Variants in OGFOD3 observed in about 807,000 individuals in gnomAD.
The protein encoded by OGFOD3 is 2-oxoglutarate and iron dependent oxygenase domain containing 3, also known as 2-oxoglutarate and iron-dependent oxygenase domain-containing protein 3.
A neutral mutation model predicts 39.8 loss-of-function variants in OGFOD3; 35 were observed. That is an observed-to-expected ratio of 0.88 (90% CI 0.67 to 1.17). OGFOD3 has a LOEUF of 1.17. Ranked by LOEUF, OGFOD3 falls within the 50% of genes most tolerant of loss-of-function variation. The pLI is 0.00. For synonymous variants in OGFOD3, 200 were observed against 192.0 expected (o/e 1.04, Z -0.34); for missense variants, 438 against 454.5 (o/e 0.96, Z 0.33).
At chr17:82,418,212 A>G (rs908841838) in intron 1 of OGFOD3, 200 bp downstream of exon 1, 1 of 407,426 alleles carries the variant, frequency 2.5e-6, no homozygotes, top group South Asian at 4.6e-5. Context: ...GCCGTCGGCT[A>G]CCGCGGCTCC....
At chr17:82,395,701 G>A (rs548394266) in intron 8 of OGFOD3, among the ~76,000 whole-genome samples, 4 of 152,304 alleles carry the variant, frequency 2.6e-5, no homozygotes, top group African/African-American at 4.8e-5. Flanking sequence ...GGCACCTGTA[G>A]TCCCAGCTAC....
At chr17:82,411,796 A>G in intron 2 of OGFOD3, 2 of 487,526 alleles carry the variant, frequency 4.1e-6, no homozygotes, top group South Asian at 4.7e-5. Flanking sequence ...AGTCACAGAA[A>G]CCCCAGACAC....
rs2052853585 is a variant in OGFOD3, at chr17:82,406,218, G to A, written c.488+200C>T. Among the ~76,000 whole-genome samples, 1 of 152,182 alleles carries A rather than the reference G, an allele frequency of 6.6e-6. No individual in the cohort carries two copies. The highest frequency in any genetic ancestry group is 6.5e-5 in the Admixed American group (1 of 15,282). On this transcript the variant is annotated intron_variant, in intron 5 of 8. Coordinates refer to ENST00000313056, the MANE Select transcript of OGFOD3 (RefSeq NM_024648.3). This position sits in a 1 kb window ranked among gnomAD's most constrained non-coding sequence, Gnocchi z 5.2. ...AACAAGCCCCCTGCCCACAGGCTGT[G>A]GAGAGTCCACACCTCCCAGCTCTTG...
rs74001678 is a variant in OGFOD3, at chr17:82,412,145, G to A, written c.305-615C>T. 3.2e-3 allele frequency among the ~76,000 whole-genome samples: 491 copies of A among 152,016 alleles called. 3 individuals are homozygous for A. The highest frequency in any genetic ancestry group is 0.011 in the African/African-American group (455 of 41,496). On this transcript the variant is annotated intron_variant, in intron 2 of 8. Coordinates refer to ENST00000313056, the MANE Select transcript of OGFOD3 (RefSeq NM_024648.3). The stretch of plus-strand genomic sequence containing the variant: ...TCCTGAGACCACCAGAGTGGAGCTT[G>A]TGGGTCTAGTCCCAGTCCTTCCCCA...
chr17:82,414,862 C>T (rs1326743506), intron 2 of OGFOD3, among the ~76,000 whole-genome samples: 2 of 152,192 alleles, frequency 1.3e-5, no homozygotes, highest in Non-Finnish European at 2.9e-5. Flanking sequence ...AGGGGGTGTG[C>T]GGTGGCCGGC....
At chr17:82,394,420 C>A in intron 8 of OGFOD3, 1 of 1,612,496 alleles carries the variant, frequency 6.2e-7, no homozygotes, top group East Asian at 2.2e-5. Context: ...TGTCTCTCCC[C>A]TCTCGGGCGG....
At position 82,395,534 on chromosome 17, in the gene OGFOD3, C is replaced by T. The variant is rs181734581; in HGVS notation, c.823+2662G>A. On this transcript the variant is annotated intron_variant, in intron 8 of 8. Coordinates refer to ENST00000313056, the MANE Select transcript of OGFOD3 (RefSeq NM_024648.3). ...CATTTGCCACTCATGGTAAGAACTG[C>T]GACACGGCCGGGCGTGGTGGCTCAC... 4.6e-5 allele frequency among the ~76,000 whole-genome samples: 7 copies of T among 152,200 alleles called. No homozygotes were observed. The East Asian group carries it at 5.8e-4, about 13-fold the overall frequency.
rs1340131194 is a variant in OGFOD3 at position 82,389,215 on chromosome 17, C to T, written c.*3183G>A. 2.0e-5 allele frequency: 3 copies of T among 152,180 alleles called. No homozygotes were observed. Among genetic ancestry groups the T allele is most frequent in the Admixed American group, 6.5e-5 (1 of 15,290 alleles). The allele number at this position is 152,180 out of a possible 1,614,324, so 9.4% of individuals were successfully genotyped here. ...TCCCTTCCCGACAGCAGGACTCGCCCTCCTAGATTCTTTATTTTGAAAGGA... is the reference window on the plus strand; with the variant it reads ...TCCCTTCCCGACAGCAGGACTCGCCTTCCTAGATTCTTTATTTTGAAAGGA... On this transcript the variant is annotated 3_prime_UTR_variant, in exon 9 of 9. Coordinates refer to ENST00000313056, the MANE Select transcript of OGFOD3 (RefSeq NM_024648.3). The surrounding 1 kb of genome is among the most constrained non-coding windows in gnomAD (Gnocchi z 4.6).
intron 8 of OGFOD3, chr17:82,394,275 C>G: frequency 1.4e-6 from 2 of 1,419,812 alleles, no homozygotes; most frequent in African/African-American, 1.4e-5. Context: ...CAGGCGTGAG[C>G]CACCACGCCC....
At position 82,404,185 on chromosome 17, in the gene OGFOD3, G is replaced by T. The variant is rs115718503; in HGVS notation, c.546-95C>A. On this transcript the variant is annotated intron_variant, in intron 6 of 8. Coordinates refer to ENST00000313056, the MANE Select transcript of OGFOD3 (RefSeq NM_024648.3). This position sits in a 1 kb window ranked among gnomAD's most constrained non-coding sequence, Gnocchi z 4.5. ...GGTGGCAGGAAAGGAACCAGCCTTC[G>T]TACGGCTCCGGGCCCGCGGGGCGGG... is the stretch of plus-strand genomic sequence containing the variant. 1 of 1,382,942 alleles carries T rather than the reference G, an allele frequency of 7.2e-7. No individual in the cohort carries two copies. The highest frequency in any genetic ancestry group is 9.6e-7 in the Non-Finnish European group (1 of 1,043,060). 85.7% of individuals were successfully genotyped at this position (1,382,942 alleles called of 1,614,324 possible). A position where few individuals can be genotyped will look rare whatever the true frequency, so the allele number is the denominator to read the frequency against.
chr17:82,403,497 T>C (rs779304962), intron 7 of OGFOD3, among the ~76,000 whole-genome samples: 5 of 152,038 alleles, frequency 3.3e-5, no homozygotes, highest in Non-Finnish European at 7.4e-5. Flanking sequence ...CGAGGCCTGG[T>C]GGGGCATGCC....
At chr17:82,413,838 T>C (rs1388229583) in intron 2 of OGFOD3, among the ~76,000 whole-genome samples, 1 of 144,666 alleles carries the variant, frequency 6.9e-6, no homozygotes, top group African/African-American at 2.6e-5. Flanking sequence ...ATCATGCCAC[T>C]GCACTCCAGC....
chr17:82,406,910 G>A lies in OGFOD3; in HGVS notation c.424-428C>T, dbSNP rs1027523441. ...AGCCACTGCACCCAGCCTCAACCCA[G>A]GACTTTCTTAAAATCCTCCCAGACC... is the stretch of plus-strand genomic sequence containing the variant. On this transcript the variant is annotated intron_variant, in intron 4 of 8. Transcript: ENST00000313056. This position sits in a 1 kb window ranked among gnomAD's most constrained non-coding sequence, Gnocchi z 5.2. Among the ~76,000 whole-genome samples the A allele has an allele frequency of 1.3e-5, 2 of 152,076 alleles. No homozygotes were observed. Among genetic ancestry groups the A allele is most frequent in the African/African-American group, 4.8e-5 (2 of 41,422 alleles).
intron 7 of OGFOD3, among the ~76,000 whole-genome samples, chr17:82,403,235 T>G (rs1187580197): frequency 6.6e-6 from 1 of 152,116 alleles, no homozygotes; most frequent in Non-Finnish European, 1.5e-5. Context: ...GTGGGCCGGG[T>G]TCTCCACTTC....
intron 8 of OGFOD3, among the ~76,000 whole-genome samples, chr17:82,395,177 G>A (rs2052652420): frequency 6.6e-6 from 1 of 152,098 alleles, no homozygotes; most frequent in African/African-American, 2.4e-5. Flanking sequence ...GACTATAGGT[G>A]CACGCCACCA....
chr17:82,408,902 G>A (rs1029244631), intron 4 of OGFOD3, among the ~76,000 whole-genome samples: 4 of 152,288 alleles, frequency 2.6e-5, no homozygotes, highest in South Asian at 2.1e-4. Flanking sequence ...CACATGGGAC[G>A]ACAGCCCCAC....
chr17:82,398,296 G>A lies in OGFOD3; in HGVS notation c.723C>T (p.Tyr241=), dbSNP rs1417482405. 2 of 1,614,204 alleles carry A rather than the reference G, an allele frequency of 1.2e-6. No homozygotes were observed. The highest frequency in any genetic ancestry group is 8.5e-7 in the Non-Finnish European group (1 of 1,180,034). The change falls in exon 8 of 9, where the codon TAC becomes TAT. Residue 241 remains tyrosine, a synonymous_variant. Transcript: ENST00000313056. ...VDKVTYGSFD[Y]TSLLYLSNYL... is the part of the protein sequence containing the mutation. Reference sequence around the variant, plus strand: ...AGTTGGAGAGGTACAGCAGCGAGGTGTAGTCGAAGGAGCCGTAGGTCACCT... The same window carrying A: ...AGTTGGAGAGGTACAGCAGCGAGGTATAGTCGAAGGAGCCGTAGGTCACCT...
chr17:82,411,312 G>C lies in OGFOD3; in HGVS notation c.380+143C>G, dbSNP rs961781857. The stretch of plus-strand genomic sequence containing the variant: ...TCTGCCCGCCTCAGCCTCCCCAAGT[G>C]CTGGGATTACAGGCGTGAGCCACCA... On this transcript the variant is annotated intron_variant, in intron 3 of 8. Coordinates refer to ENST00000313056, the MANE Select transcript of OGFOD3 (RefSeq NM_024648.3). 5.8e-6 allele frequency: 4 copies of C among 691,820 alleles called. No homozygotes were observed. In the African/African-American group the frequency reaches 7.2e-5, roughly 12 times the overall value. The allele number at this position is 691,820 out of a possible 1,614,324, so 42.9% of individuals were successfully genotyped here.
At position 82,411,526 on chromosome 17, in the gene OGFOD3, G is replaced by A. The variant is rs1191966050; in HGVS notation, c.309C>T (p.Cys103=). The change falls in exon 3 of 9, where the codon TGC becomes TGT. Residue 103 remains cysteine (C), a synonymous_variant. Transcript: ENST00000313056. ...DYDSHRRFEG[C]TPRKCGRGVT... is the part of the protein sequence containing the mutation. The stretch of plus-strand genomic sequence containing the variant: ...CACCTCTGCCGCACTTTCGGGGAGT[G>A]CAGCCTGTGAAGGGACAGCCAGGGT... 18 of 1,613,998 alleles carry A rather than the reference G, an allele frequency of 1.1e-5. No homozygotes were observed. Among genetic ancestry groups the A allele is most frequent in the East Asian group, 2.2e-5 (1 of 44,878 alleles).
Sources: allele counts gnomAD v4.1 joint callset (sites outside exome capture counted in the v4.1 genomes callset), GRCh38; gene constraint gnomAD v4.1.1; non-coding constraint Gnocchi (gnomAD v3.1); transcripts MANE v1.5; gene names NCBI Gene and HGNC (gene_info 2026-07-23, HGNC 2026-07-21).